Variants in NRG3 observed in about 807,000 individuals in gnomAD.
The protein encoded by NRG3 is pro-neuregulin-3, membrane-bound isoform.
A neutral mutation model predicts 66.9 loss-of-function variants in NRG3; 31 were observed. The ratio of observed to expected loss-of-function variants is 0.46; its 90% CI spans 0.35 to 0.63. The LOEUF (loss-of-function observed/expected upper bound fraction) is 0.63. Among genes scored for constraint, NRG3 ranks in the 20% least tolerant of loss-of-function variants. The pLI, the probability that NRG3 is intolerant of heterozygous loss-of-function variation, is 0.00. For missense variants in NRG3, 910 were observed against 878.9 expected (o/e 1.04, Z -0.45); for synonymous variants, 393 against 359.4 (o/e 1.09, Z -1.06).
chr10:82,491,934 AC>A (rs1368190828), intron 2 of NRG3, among the ~76,000 whole-genome samples: 1 of 152,240 alleles, frequency 6.6e-6, no homozygotes, highest in Non-Finnish European at 1.5e-5. Flanking sequence ...AACAGGAAGA[AC>A]TAGAATCATT....
intron 3 of NRG3, among the ~76,000 whole-genome samples, chr10:82,831,446 T>G (rs1042660530): frequency 2.2e-5 from 3 of 138,158 alleles, no homozygotes; most frequent in African/African-American, 8.5e-5. Flanking sequence ...GTATATAGTA[T>G]CTTATGGAAC....
chr10:81,983,069 T>C (rs1218825492), intron 1 of NRG3, among the ~76,000 whole-genome samples: 1 of 151,986 alleles, frequency 6.6e-6, no homozygotes, highest in Non-Finnish European at 1.5e-5. Flanking sequence ...CATGGTTAGG[T>C]GGAGATGCTG....
chr10:82,857,475 C>A (rs2063870894), intron 3 of NRG3, among the ~76,000 whole-genome samples: 1 of 152,104 alleles, frequency 6.6e-6, no homozygotes, highest in Admixed American at 6.5e-5. Flanking sequence ...GACCTACTCT[C>A]CACAGTGGAA....
intron 1 of NRG3, among the ~76,000 whole-genome samples, chr10:82,069,756 T>A (rs1407079476): frequency 1.3e-5 from 2 of 152,204 alleles, no homozygotes; most frequent in African/African-American, 2.4e-5. Context: ...ATAGAGAAGT[T>A]TCATATTGAA....
At chr10:82,514,709 G>A (rs1041023062) in intron 2 of NRG3, among the ~76,000 whole-genome samples, 20 of 151,762 alleles carry the variant, frequency 1.3e-4, no homozygotes, top group East Asian at 5.8e-4. Context: ...GCTCTTTTTC[G>A]TTTCCATATG....
chr10:82,555,552 A>C (rs527605826), intron 2 of NRG3, among the ~76,000 whole-genome samples: 1 of 152,308 alleles, frequency 6.6e-6, no homozygotes, highest in African/African-American at 2.4e-5. Flanking sequence ...TCATGAGGTA[A>C]TGGAAGATCT....
At chr10:82,699,813 A>T (rs2055713745) in intron 2 of NRG3, among the ~76,000 whole-genome samples, 1 of 152,066 alleles carries the variant, frequency 6.6e-6, no homozygotes, top group Non-Finnish European at 1.5e-5. Context: ...CTGCACAAAT[A>T]AACATTTTCT....
At chr10:81,994,798 G>A (rs1409746363) in intron 1 of NRG3, among the ~76,000 whole-genome samples, 1 of 151,652 alleles carries the variant, frequency 6.6e-6, no homozygotes, top group African/African-American at 2.4e-5. Flanking sequence ...CTTAATTTTT[G>A]GATACTTGTA....
At chr10:81,962,961 C>G (rs1028267638) in intron 1 of NRG3, among the ~76,000 whole-genome samples, 78 of 152,196 alleles carry the variant, frequency 5.1e-4, no homozygotes, top group African/African-American at 1.8e-3. Context: ...ACCGACACAA[C>G]TCGCCCTGTT....
intron 1 of NRG3, among the ~76,000 whole-genome samples, chr10:82,250,954 A>G (rs2077457036): frequency 2.0e-5 from 3 of 152,196 alleles, no homozygotes; most frequent in Non-Finnish European, 4.4e-5. Context: ...TGTATATTTG[A>G]CTGACAACGT....
At chr10:82,533,888 G>C (rs1447408288) in intron 2 of NRG3, among the ~76,000 whole-genome samples, 1 of 152,072 alleles carries the variant, frequency 6.6e-6, no homozygotes, top group Non-Finnish European at 1.5e-5. Context: ...CAAAATGTTA[G>C]AACTAATAAA....
chr10:82,218,359 G>GTTCTCAC (rs2075784084), intron 1 of NRG3, among the ~76,000 whole-genome samples: 1 of 152,124 alleles, frequency 6.6e-6, no homozygotes, highest in Non-Finnish European at 1.5e-5. Flanking sequence ...TTCTCACAGG[G>GTTCTCAC]AACTAAAGGT....
At chr10:82,060,578 A>G (rs1373725130) in intron 1 of NRG3, among the ~76,000 whole-genome samples, 3 of 152,348 alleles carry the variant, frequency 2.0e-5, no homozygotes, top group African/African-American at 7.2e-5. Flanking sequence ...TTTATTGAAT[A>G]TCATCTGATT....
intron 1 of NRG3, among the ~76,000 whole-genome samples, chr10:82,184,914 T>G (rs2073700525): frequency 6.6e-6 from 1 of 152,162 alleles, no homozygotes; most frequent in South Asian, 2.1e-4. Flanking sequence ...ATATCTAATT[T>G]GAAATGAGAT....
intron 2 of NRG3, among the ~76,000 whole-genome samples, chr10:82,651,693 T>C (rs1164542455): frequency 1.3e-5 from 2 of 152,200 alleles, no homozygotes; most frequent in African/African-American, 4.8e-5. Flanking sequence ...TGTCAATGTC[T>C]AGAGACATTT....
intron 2 of NRG3, among the ~76,000 whole-genome samples, chr10:82,651,356 A>G (rs954370284): frequency 2.0e-5 from 3 of 152,228 alleles, no homozygotes; most frequent in Non-Finnish European, 4.4e-5. Context: ...AAAAGAAAAG[A>G]TATGTCCAAT....
chr10:81,957,674 C>G (rs1243829936), intron 1 of NRG3, among the ~76,000 whole-genome samples: 1 of 152,116 alleles, frequency 6.6e-6, no homozygotes, highest in African/African-American at 2.4e-5. Flanking sequence ...TGGATAGGAG[C>G]AATTACATCA....
At chr10:82,003,823 G>A (rs1326279027) in intron 1 of NRG3, among the ~76,000 whole-genome samples, 2 of 152,020 alleles carry the variant, frequency 1.3e-5, no homozygotes, top group South Asian at 2.1e-4. Flanking sequence ...GTTGATGGAG[G>A]GGCTACGGGG....
intron 2 of NRG3, among the ~76,000 whole-genome samples, chr10:82,733,557 C>A (rs959844443): frequency 3.9e-5 from 6 of 152,128 alleles, no homozygotes; most frequent in Admixed American, 2.0e-4. Context: ...TGTAGATAAT[C>A]AAGTCCCTGA....
Sources: gnomAD v4.1 joint callset for allele counts (sites outside exome capture counted in the v4.1 genomes callset) on GRCh38, gnomAD v4.1.1 for gene constraint, MANE v1.5 for transcripts, NCBI Gene and HGNC (gene_info 2026-07-23, HGNC 2026-07-21) for gene names.